Variants in NRXN1 observed in about 807,000 individuals in gnomAD.
The protein encoded by NRXN1 is neurexin 1.
A neutral mutation model predicts 150.9 loss-of-function variants in NRXN1; 39 were observed. The observed-to-expected ratio is 0.26, with a 90% CI of 0.20 to 0.34. The LOEUF (loss-of-function observed/expected upper bound fraction) is 0.34, where lower values mean the gene tolerates loss of function less well. Among genes scored for constraint, NRXN1 ranks in the 10% least tolerant of loss-of-function variants. NRXN1 has a pLI of 1.00. For synonymous variants in NRXN1, 924 were observed against 757.0 expected (o/e 1.22, Z -3.62); for missense variants, 1,815 against 1,949.9 (o/e 0.93, Z 1.30).
intron 21 of NRXN1, among the ~76,000 whole-genome samples, chr2:49,975,247 G>A (rs1678755169): frequency 6.6e-6 from 1 of 151,724 alleles, no homozygotes; most frequent in African/African-American, 2.4e-5. Flanking sequence ...ACAATCTTCA[G>A]GAATAAAATT....
intron 5 of NRXN1, among the ~76,000 whole-genome samples, chr2:50,650,665 T>C (rs987795313): frequency 6.6e-6 from 1 of 152,036 alleles, no homozygotes; most frequent in Non-Finnish European, 1.5e-5. Context: ...ATCTAGATTT[T>C]TCTCTTTGTA....
At chr2:49,988,454 A>G (rs951888919) in intron 21 of NRXN1, among the ~76,000 whole-genome samples, 1 of 152,100 alleles carries the variant, frequency 6.6e-6, no homozygotes, top group Non-Finnish European at 1.5e-5. Flanking sequence ...GTCATAGGAC[A>G]GCAGATATAC....
intron 18 of NRXN1, 96 bp downstream of exon 18, chr2:50,236,692 CT>C: frequency 1.9e-6 from 2 of 1,057,596 alleles, no homozygotes; most frequent in South Asian, 2.7e-5. Flanking sequence ...GTACTGGTTT[CT>C]GGGGGAAGGA....
chr2:50,703,506 G>A lies in NRXN1; in HGVS notation c.833-79891C>T, dbSNP rs576259955. On this transcript the variant is annotated intron_variant, in intron 5 of 22. Transcript: ENST00000401669. ...GTCAACATCATCTTCTACAAGGCTT[G>A]TTCATATGTTATAGTCCATTTGAGA... 1.4e-3 allele frequency among the ~76,000 whole-genome samples: 206 copies of A among 152,210 alleles called. 1 individual carries two copies. The highest frequency in any genetic ancestry group is 4.8e-3 in the African/African-American group (201 of 41,564).
At chr2:50,837,774 T>G (rs1191718413) in intron 5 of NRXN1, among the ~76,000 whole-genome samples, 1 of 152,134 alleles carries the variant, frequency 6.6e-6, no homozygotes, top group African/African-American at 2.4e-5. Context: ...TTTAAGTGGT[T>G]AGAAATGTGC....
At chr2:50,219,453 G>A (rs1382076747) in intron 18 of NRXN1, among the ~76,000 whole-genome samples, 1 of 151,468 alleles carries the variant, frequency 6.6e-6, no homozygotes, top group Non-Finnish European at 1.5e-5. Context: ...GGCCCTATGA[G>A]GTTAGATTTA....
intron 18 of NRXN1, among the ~76,000 whole-genome samples, chr2:50,201,101 T>A (rs73930307): frequency 0.019 from 2,946 of 152,230 alleles, 97 homozygotes; most frequent in African/African-American, 0.068. Context: ...GTGTAGCAGA[T>A]CAGTAAACAA....
At chr2:50,843,562 C>T (rs1409066358) in intron 5 of NRXN1, among the ~76,000 whole-genome samples, 1 of 152,198 alleles carries the variant, frequency 6.6e-6, no homozygotes, top group African/African-American at 2.4e-5. Context: ...CATTTCATTT[C>T]ACTTCATTTC....
chr2:50,453,233 C>G (rs1220961715), intron 17 of NRXN1, among the ~76,000 whole-genome samples: 1 of 141,238 alleles, frequency 7.1e-6, no homozygotes, highest in Non-Finnish European at 1.6e-5. Flanking sequence ...ATGGAGGCTC[C>G]TAAAACATAG....
chr2:50,026,185 C>A (rs1357421860), intron 21 of NRXN1, among the ~76,000 whole-genome samples: 1 of 152,110 alleles, frequency 6.6e-6, no homozygotes, highest in Non-Finnish European at 1.5e-5. Context: ...ACTCTGTCTA[C>A]AAGAGTAGAA....
rs78265276 is a variant in NRXN1 at position 50,711,498 on chromosome 2, A to G, written c.833-87883T>C. On this transcript the variant is annotated intron_variant, in intron 5 of 22. Coordinates refer to ENST00000401669, the MANE Select transcript of NRXN1 (RefSeq NM_001330078.2). ...TTACAGGCACATGTTACCACACCTG[A>G]CTAATTTATGTATTTTTAGTAGAGA... is the stretch of plus-strand genomic sequence containing the variant. Among the ~76,000 whole-genome samples, 260 of 151,706 alleles carry G rather than the reference A, an allele frequency of 1.7e-3. 3 individuals carry two copies. The highest frequency in any genetic ancestry group is 6.1e-3 in the African/African-American group (254 of 41,360).
chr2:50,553,975 C>T (rs913471113), intron 8 of NRXN1, among the ~76,000 whole-genome samples: 1 of 152,124 alleles, frequency 6.6e-6, no homozygotes, highest in Non-Finnish European at 1.5e-5. Context: ...CTTTTCTCTA[C>T]AAAATGCATA....
intron 5 of NRXN1, among the ~76,000 whole-genome samples, chr2:50,731,380 C>T (rs918849328): frequency 3.9e-5 from 6 of 152,060 alleles, no homozygotes; most frequent in African/African-American, 1.4e-4. Flanking sequence ...GTTCGCTGTT[C>T]GAAATTTTAA....
At chr2:50,471,978 G>C (rs972267682) in intron 16 of NRXN1, among the ~76,000 whole-genome samples, 1 of 151,426 alleles carries the variant, frequency 6.6e-6, no homozygotes, top group Non-Finnish European at 1.5e-5. Flanking sequence ...AGCAAGCATC[G>C]TAGAACTGAT....
chr2:50,925,313 G>T (rs755552709), intron 3 of NRXN1, among the ~76,000 whole-genome samples: 1 of 151,790 alleles, frequency 6.6e-6, no homozygotes, highest in East Asian at 1.9e-4. Flanking sequence ...TTCCTTGACA[G>T]AGATAATTTT....
intron 18 of NRXN1, among the ~76,000 whole-genome samples, chr2:50,216,438 T>G (rs1407665758): frequency 6.6e-6 from 1 of 152,066 alleles, no homozygotes; most frequent in Non-Finnish European, 1.5e-5. Flanking sequence ...TTTAAAGGCA[T>G]TGAGCCATAC....
chr2:49,949,280 C>T (rs1417684010), intron 21 of NRXN1, among the ~76,000 whole-genome samples: 2 of 151,812 alleles, frequency 1.3e-5, no homozygotes, highest in Non-Finnish European at 2.9e-5. Flanking sequence ...TATTTTTTCT[C>T]ACTTATAGGA....
At chr2:50,942,288 C>T (rs1351651273) in intron 2 of NRXN1, among the ~76,000 whole-genome samples, 1 of 152,178 alleles carries the variant, frequency 6.6e-6, no homozygotes, top group African/African-American at 2.4e-5. Flanking sequence ...AGAACCTCTA[C>T]TAGGGCAATG....
At chr2:50,003,130 G>A (rs1684210726) in intron 21 of NRXN1, among the ~76,000 whole-genome samples, 1 of 152,002 alleles carries the variant, frequency 6.6e-6, no homozygotes, top group Non-Finnish European at 1.5e-5. Flanking sequence ...CTAAGGCTTG[G>A]TGGATGAGAA....
Sources: gnomAD v4.1 joint callset for allele counts (sites outside exome capture counted in the v4.1 genomes callset) on GRCh38, gnomAD v4.1.1 for gene constraint, MANE v1.5 for transcripts, NCBI Gene and HGNC (gene_info 2026-07-23, HGNC 2026-07-21) for gene names.